GSE1: variants seen among roughly 807,000 people sequenced by gnomAD.
GSE1 encodes the protein genetic suppressor element 1.
Under a neutral mutation model 112.6 loss-of-function variants are expected in GSE1, and 32 were observed. The ratio of observed to expected loss-of-function variants is 0.28; its 90% confidence interval spans 0.21 to 0.38. The LOEUF is 0.38. GSE1 is among the 10% of genes least tolerant of loss of function. The probability of loss-of-function intolerance (pLI) is 1.00; values close to 1 mark genes in which losing one functional copy is unlikely to be tolerated. For missense variants in GSE1, 2,348 were observed against 1,699.2 expected, an observed-to-expected ratio of 1.38 and a Z score of -6.71; for synonymous variants, 1,115 against 735.6, an observed-to-expected ratio of 1.52 and a Z score of -8.35.
At chr16:85,620,053 C>T (rs954202999) in intron 1 of GSE1, among the ~76,000 whole-genome samples, 1 of 152,106 alleles carries the variant, frequency 6.6e-6, no homozygotes, top group African/African-American at 2.4e-5. Flanking sequence ...CCCAGCACTC[C>T]AGGAGGCCGA....
intron 1 of GSE1, among the ~76,000 whole-genome samples, chr16:85,316,884 G>A (rs1046553380): frequency 1.3e-5 from 2 of 152,166 alleles, no homozygotes; most frequent in African/African-American, 2.4e-5. Flanking sequence ...CACAGGGTAC[G>A]GCCTCAAAGA....
intron 1 of GSE1, among the ~76,000 whole-genome samples, chr16:85,603,274 G>T (rs1027823368): frequency 6.6e-6 from 1 of 152,208 alleles, no homozygotes; most frequent in African/African-American, 2.4e-5. Context: ...CCGTGTCCGT[G>T]GAAGGGGGAG....
chr16:85,208,939 G>T (rs1021926498), intron 1 of GSE1, among the ~76,000 whole-genome samples: 1 of 150,752 alleles, frequency 6.6e-6, no homozygotes, highest in African/African-American at 2.4e-5. Context: ...GCCTGTGTTG[G>T]GGTTCGCCGC....
chr16:85,493,790 CA>C (rs61555687), intron 2 of GSE1, among the ~76,000 whole-genome samples: 329 of 84,442 alleles, frequency 3.9e-3, no homozygotes, highest in Middle Eastern at 0.026. Context: ...GACTCCGTCT[CA>C]AAAAAAAAAA....
At chr16:85,551,439 G>T (rs2044909413), upstream of GSE1, among the ~76,000 whole-genome samples, 2 of 152,186 alleles carry the variant, frequency 1.3e-5, no homozygotes, top group Admixed American at 1.3e-4. Flanking sequence ...TGTAGTGATG[G>T]GTTCCAAAAG....
At chr16:85,613,480 G>A in intron 1 of GSE1, 82 bp downstream of exon 1, 2 of 1,292,590 alleles carry the variant, frequency 1.5e-6, no homozygotes, top group Non-Finnish European at 2.1e-6. Context: ...CGCGGGTTTC[G>A]CGGGGGCGGC....
intron 1 of GSE1, among the ~76,000 whole-genome samples, chr16:85,183,619 C>T (rs375596999): frequency 6.6e-6 from 1 of 152,242 alleles, no homozygotes; most frequent in African/African-American, 2.4e-5. Context: ...GATGTTTGCA[C>T]TTGTCCTTCT....
At chr16:85,471,336 G>T (rs1328590965) in intron 2 of GSE1, among the ~76,000 whole-genome samples, 3 of 152,224 alleles carry the variant, frequency 2.0e-5, no homozygotes, top group Non-Finnish European at 4.4e-5. Flanking sequence ...CACAGTTTAA[G>T]ATGAAGATAG....
In GSE1 at chr16:85,663,055, G is replaced by A. The variant is rs764930052; in HGVS notation, c.2335G>A (p.Ala779Thr). Reference sequence around the variant, plus strand: ...GGTCAGGGCCCACCTCCGTTGCGTGGCCGAGCAGCCGCCCCTCAAACTGGA... The same window carrying A: ...GGTCAGGGCCCACCTCCGTTGCGTGACCGAGCAGCCGCCCCTCAAACTGGA... The part of the protein sequence containing the change: ...EEVRAHLRCV[A>T]EQPPLKLDTS... The change falls in exon 10 of 16, where the codon GCC becomes ACC. Residue 779 changes from alanine to threonine, a missense_variant. By Grantham distance (58) the Ala-to-Thr change is moderately conservative. Transcript: ENST00000253458. 2 of 1,612,696 alleles carry A rather than the reference G, an allele frequency of 1.2e-6. No homozygotes were observed. Among genetic ancestry groups the A allele is most frequent in the East Asian group, 2.2e-5 (1 of 44,874 alleles).
rs1001939736 is a variant in GSE1 at position 85,673,180 on chromosome 16, A to C, written c.*641A>C. The C allele has an allele frequency of 1.3e-5, 2 of 152,620 alleles. No homozygotes were observed. Among genetic ancestry groups the C allele is most frequent in the African/African-American group, 4.8e-5 (2 of 41,444 alleles). The allele number at this position is 152,620 out of a possible 1,614,324, so 9.5% of individuals were successfully genotyped here. ...TAAAACCAATTCACAAACTGAAGGTAGCTTTTTATTACTCCGTGGGGAGCA... is the reference window on the plus strand; with the variant it reads ...TAAAACCAATTCACAAACTGAAGGTCGCTTTTTATTACTCCGTGGGGAGCA... On this transcript the variant is annotated 3_prime_UTR_variant, in exon 16 of 16. Transcript: ENST00000253458.
At chr16:85,638,135 C>T (rs192346863) in intron 2 of GSE1, among the ~76,000 whole-genome samples, 2 of 152,360 alleles carry the variant, frequency 1.3e-5, no homozygotes, top group Admixed American at 1.3e-4. Flanking sequence ...AAGTGCCTCT[C>T]GGTTTTCGCC....
intron 2 of GSE1, among the ~76,000 whole-genome samples, chr16:85,509,588 ATGACTGTGGAG>A (rs1202254808): frequency 1.3e-5 from 2 of 152,212 alleles, no homozygotes; most frequent in Non-Finnish European, 2.9e-5. Context: ...CGGGTGCCTG[ATGACTGTGGAG>A]TGACGTTGAA....
rs553863867 is a variant in GSE1, at chr16:85,303,331, G to A, written c.2284-54132G>A. ...TGAGGTCAGGGCACACCCTGGAAGT[G>A]AGGGTCTATGACCCCTCGGTGGGGA... On this transcript the variant is annotated intron_variant, in intron 1 of 2. Transcript: ENST00000637419. Among the ~76,000 whole-genome samples the A allele has an allele frequency of 4.6e-5, 7 of 152,338 alleles. No homozygotes were observed. In the South Asian group the frequency reaches 1.5e-3, roughly 32 times the overall value.
intron 2 of GSE1, among the ~76,000 whole-genome samples, chr16:85,491,410 G>T (rs1448322119): frequency 6.6e-6 from 1 of 152,204 alleles, no homozygotes; most frequent in Non-Finnish European, 1.5e-5. Context: ...GGAAGATGCA[G>T]GGTATTCTGG....
intron 1 of GSE1, among the ~76,000 whole-genome samples, chr16:85,587,529 G>A (rs796376159): frequency 3.9e-5 from 6 of 152,164 alleles, no homozygotes; most frequent in African/African-American, 9.6e-5. Context: ...GGGACACAGC[G>A]GGGGCTTCAC....
chr16:85,498,635 C>T (rs562387636), intron 2 of GSE1, among the ~76,000 whole-genome samples: 1 of 152,352 alleles, frequency 6.6e-6, no homozygotes, highest in East Asian at 1.9e-4. Flanking sequence ...CACACATGCG[C>T]ACCTACAACC....
At chr16:85,335,255 G>C (rs534300390) in intron 1 of GSE1, among the ~76,000 whole-genome samples, 95 of 152,384 alleles carry the variant, frequency 6.2e-4, no homozygotes, top group African/African-American at 2.2e-3. Context: ...GAGCGGCCCT[G>C]AGTAGTTTTC....
chr16:85,564,677 C>T (rs1163308638), intron 1 of GSE1, among the ~76,000 whole-genome samples: 1 of 152,148 alleles, frequency 6.6e-6, no homozygotes, highest in East Asian at 1.9e-4. Context: ...GTGCGTCCTT[C>T]AGAGGCACCA....
intron 2 of GSE1, among the ~76,000 whole-genome samples, chr16:85,369,538 C>A (rs1477416453): frequency 1.3e-5 from 2 of 152,100 alleles, no homozygotes; most frequent in African/African-American, 2.4e-5. Flanking sequence ...GTTCTCACAT[C>A]TCCCACCACC....
Sources: gnomAD v4.1 joint callset for allele counts (sites outside exome capture counted in the v4.1 genomes callset) on GRCh38, gnomAD v4.1.1 for gene constraint, MANE v1.5 for transcripts, NCBI Gene and HGNC (gene_info 2026-07-23, HGNC 2026-07-21) for gene names.